Variants in LRRC37A observed in about 807,000 individuals in gnomAD.
LRRC37A encodes the protein leucine-rich repeat-containing protein 37A.
In LRRC37A, 3 loss-of-function variants were observed where a neutral mutation model predicts 35.4. The observed-to-expected ratio is 0.08, with a 90% CI of 0.04 to 0.22. The LOEUF (loss-of-function observed/expected upper bound fraction) is 0.22, where lower values mean the gene tolerates loss of function less well. LRRC37A is among the 10% of genes least tolerant of loss of function. The pLI, the probability that LRRC37A is intolerant of heterozygous loss-of-function variation, is 1.00. For synonymous variants in LRRC37A, 23 were observed against 215.0 expected, an observed-to-expected ratio of 0.11 and a Z score of 7.81; for missense variants, 67 against 565.3, an observed-to-expected ratio of 0.12 and a Z score of 8.94.
the LRRC37A span, among the ~76,000 whole-genome samples, chr17:46,265,676 C>T: frequency 1.4e-4 from 22 of 152,098 alleles, no homozygotes; most frequent in African/African-American, 5.3e-4. Flanking sequence ...CAGGGTCTCT[C>T]CATGTTGCTC....
the LRRC37A span, among the ~76,000 whole-genome samples, chr17:46,265,469 T>TCCACCTCCTCC: frequency 1.1e-4 from 17 of 150,406 alleles, no homozygotes; most frequent in Non-Finnish European, 1.8e-4. Context: ...CTCCTCTTCC[T>TCCACCTCCTCC]TCTTCTTCTT....
the LRRC37A span, among the ~76,000 whole-genome samples, chr17:46,262,080 G>T: frequency 6.6e-6 from 1 of 152,200 alleles, no homozygotes; most frequent in Non-Finnish European, 1.5e-5. Flanking sequence ...CTCCTGAGCA[G>T]CTGGGACTAC....
chr17:46,334,557 G>C (rs1298998776), intron 10 of LRRC37A: 1 of 24,790 alleles, frequency 4.0e-5, no homozygotes, highest in East Asian at 1.9e-3. Flanking sequence ...TCAGCTTCCT[G>C]AGTGGCTGGG....
At chr17:46,277,164 T>A in the LRRC37A span, among the ~76,000 whole-genome samples, 18,433 of 152,164 alleles carry the variant, frequency 0.12, no homozygotes, top group Non-Finnish European at 0.18. Flanking sequence ...ATGTGCTTTA[T>A]TGAAAATTAT....
intron 5 of LRRC37A, among the ~76,000 whole-genome samples, chr17:46,311,577 T>C (rs2050800237): frequency 1.2e-5 from 1 of 86,004 alleles, no homozygotes; most frequent in African/African-American, 3.4e-5. Flanking sequence ...GAAACATAGC[T>C]CATCTATCTG....
the LRRC37A span, chr17:46,268,640 T>C: frequency 6.4e-7 from 1 of 1,551,876 alleles, no homozygotes; most frequent in Non-Finnish European, 8.7e-7. Flanking sequence ...TGAAAAGGTT[T>C]AACCCAAAAA....
the LRRC37A span, among the ~76,000 whole-genome samples, chr17:46,286,653 G>GA: frequency 1.5e-4 from 22 of 149,702 alleles, no homozygotes; most frequent in East Asian, 1.2e-3. Flanking sequence ...GGGAAAAAGA[G>GA]AAAAAAAAAT....
chr17:46,291,466 A>T (rs2050064587), upstream of LRRC37A, among the ~76,000 whole-genome samples: 1 of 151,890 alleles, frequency 6.6e-6, no homozygotes, highest in East Asian at 1.9e-4. Context: ...GGGGTAAGGG[A>T]GGCTAACATG....
At chr17:46,276,404 C>T in the LRRC37A span, among the ~76,000 whole-genome samples, 2,766 of 152,042 alleles carry the variant, frequency 0.018, 25 homozygotes, top group Middle Eastern at 0.041. Flanking sequence ...TATTAGCTAA[C>T]CTGACTTTTT....
chr17:46,264,145 A>G, the LRRC37A span, among the ~76,000 whole-genome samples: 1 of 138,036 alleles, frequency 7.2e-6, no homozygotes, highest in Non-Finnish European at 1.6e-5. Flanking sequence ...ACCTCAGCTG[A>G]CTTTTTTTTT....
At chr17:46,268,822 A>G in the LRRC37A span, 1 of 678,796 alleles carries the variant, frequency 1.5e-6, no homozygotes. Flanking sequence ...CTGCATAGTT[A>G]CAACTGTAAT....
At chr17:46,299,730 C>T in intron 1 of LRRC37A, 64 bp from the exon 2 acceptor site, 1 of 8,658 alleles carries the variant, frequency 1.2e-4, no homozygotes, top group South Asian at 7.4e-4. Flanking sequence ...TGCAATGATT[C>T]TTTTACTTAT....
the LRRC37A span, among the ~76,000 whole-genome samples, chr17:46,256,250 T>G: frequency 2.0e-5 from 3 of 152,026 alleles, no homozygotes; most frequent in Non-Finnish European, 2.9e-5. Flanking sequence ...CTGGGCGTGG[T>G]GGCGCAAGTC....
At chr17:46,291,969 C>CAAAAAAAAAAAAAAAAAAAAAAA (rs59554870), upstream of LRRC37A, among the ~76,000 whole-genome samples, 4 of 58,082 alleles carry the variant, frequency 6.9e-5, no homozygotes, top group Admixed American at 2.0e-4. Context: ...TCTCAAAAAG[C>CAAAAAAAAAAAAAAAAAAAAAAA]AAAAAAAAAA....
the LRRC37A span, among the ~76,000 whole-genome samples, chr17:46,261,287 A>G: frequency 6.6e-6 from 1 of 152,204 alleles, no homozygotes; most frequent in South Asian, 2.1e-4. Context: ...CACTTCTTCC[A>G]TAGGCTATCA....
the LRRC37A span, among the ~76,000 whole-genome samples, chr17:46,258,201 C>T: frequency 2.0e-5 from 3 of 151,252 alleles, no homozygotes; most frequent in Non-Finnish European, 3.0e-5. Flanking sequence ...CTTTCTAAGT[C>T]ATTATATGAA....
chr17:46,276,190 C>T, the LRRC37A span, among the ~76,000 whole-genome samples: 1 of 152,344 alleles, frequency 6.6e-6, no homozygotes, highest in South Asian at 2.1e-4. Context: ...CAAGGCTGGC[C>T]TCACAACTTT....
chr17:46,273,245 C>T, the LRRC37A span, among the ~76,000 whole-genome samples: 4 of 152,186 alleles, frequency 2.6e-5, no homozygotes, highest in African/African-American at 2.4e-5. Context: ...ACAGTGCATA[C>T]AATATGTAAC....
At chr17:46,279,008 G>C in the LRRC37A span, among the ~76,000 whole-genome samples, 1 of 151,966 alleles carries the variant, frequency 6.6e-6, no homozygotes, top group Non-Finnish European at 1.5e-5. Context: ...ATGTTGGTCA[G>C]GCTGGTCTCG....
Sources: gnomAD v4.1 joint callset for allele counts (sites outside exome capture counted in the v4.1 genomes callset) on GRCh38, gnomAD v4.1.1 for gene constraint, MANE v1.5 for transcripts, NCBI Gene and HGNC (gene_info 2026-07-23, HGNC 2026-07-21) for gene names.